The following PLEKHA2 variants were observed in gnomAD, a reference collection of about 807,000 sequenced individuals.
PLEKHA2 encodes the protein pleckstrin homology domain-containing family A member 2.
Under a neutral mutation model 53.2 loss-of-function variants are expected in PLEKHA2, and 28 were observed. That is an observed-to-expected ratio of 0.53 (90% CI 0.39 to 0.72). PLEKHA2 has a LOEUF of 0.72. PLEKHA2 is among the 30% of genes least tolerant of loss of function. The pLI is 0.00. For missense variants in PLEKHA2, 426 were observed against 537.9 expected, an observed-to-expected ratio of 0.79 and a Z score of 2.06; for synonymous variants, 193 against 196.4, an observed-to-expected ratio of 0.98 and a Z score of 0.14.
intron 1 of PLEKHA2, chr8:38,902,023 G>C (rs1490893237): frequency 1.3e-5 from 2 of 152,202 alleles, no homozygotes; most frequent in Non-Finnish European, 2.9e-5. Flanking sequence ...CCTGGACTTC[G>C]GGCTTCTGGA....
chr8:38,961,996 G>T (rs933883705), intron 10 of PLEKHA2, among the ~76,000 whole-genome samples: 1 of 152,218 alleles, frequency 6.6e-6, no homozygotes, highest in Non-Finnish European at 1.5e-5. Context: ...TCACTTTGTA[G>T]TATAAGTACT....
rs773426708 is a variant in PLEKHA2, at chr8:38,952,268, C to G, written c.589C>G (p.Pro197Ala). The G allele has an allele frequency of 2.5e-6, 4 of 1,612,726 alleles. No individual in the cohort carries two copies. In the South Asian group the frequency reaches 4.4e-5, roughly 18 times the overall value. ...PTSGCRASTG[P>A]PLIKSGYCVK... The stretch of plus-strand genomic sequence containing the variant: ...GTCAGGCTGCCGTGCTTCCACTGGG[C>G]CTCCCCTCATTAAGAGTGGTTACTG... Residue 197 changes from proline to alanine, a missense_variant, in exon 7 of 12, where the codon CCT becomes GCT. Coordinates refer to ENST00000617275, the MANE Select transcript of PLEKHA2 (RefSeq NM_021623.2).
intron 1 of PLEKHA2, among the ~76,000 whole-genome samples, chr8:38,911,393 T>C (rs894833526): frequency 1.3e-5 from 2 of 152,078 alleles, no homozygotes; most frequent in Non-Finnish European, 2.9e-5. Context: ...CGCACCACCA[T>C]GCCTGGCTAA....
At chr8:38,917,846 C>T (rs140887290) in intron 1 of PLEKHA2, 61 bp from the exon 2 acceptor site, 1,073 of 1,538,170 alleles carry the variant, frequency 7.0e-4, no homozygotes, top group Non-Finnish European at 7.2e-4. Context: ...AAGATTCCTG[C>T]AGGTCCTGAG....
At position 38,969,683 on chromosome 8, in the gene PLEKHA2, C is replaced by T; in HGVS notation, c.1178C>T (p.Pro393Leu). The T allele has an allele frequency of 6.3e-7, 1 of 1,578,970 alleles. No homozygotes were observed. The highest frequency in any genetic ancestry group is 8.6e-7 in the Non-Finnish European group (1 of 1,162,612). ...GAGGGCAGCGCTCCTGGGGTGCTGC[C>T]CAGCTCCCGGATAAGGCACAGATCG... ...PGEGSAPGVL[P>L]SSRIRHRSEP... Residue 393 changes from proline to leucine, a missense_variant, in exon 12 of 12, where the codon CCC (proline) becomes CTC (leucine). Physicochemically the swap from Pro to Leu is moderately conservative, Grantham distance 98 (BLOSUM62 -3). Coordinates refer to ENST00000617275, the MANE Select transcript of PLEKHA2 (RefSeq NM_021623.2).
chr8:38,916,353 C>A (rs1032529529), intron 1 of PLEKHA2, among the ~76,000 whole-genome samples: 1 of 152,126 alleles, frequency 6.6e-6, no homozygotes, highest in African/African-American at 2.4e-5. Flanking sequence ...AATAGTAGGT[C>A]TTATTCACTC....
At chr8:38,915,101 T>C (rs1353370368) in intron 1 of PLEKHA2, among the ~76,000 whole-genome samples, 1 of 152,052 alleles carries the variant, frequency 6.6e-6, no homozygotes, top group Non-Finnish European at 1.5e-5. Context: ...CACGCCACCG[T>C]GCCTGGCTAA....
At chr8:38,951,233 C>T (rs531154303) in intron 6 of PLEKHA2, among the ~76,000 whole-genome samples, 95 of 152,140 alleles carry the variant, frequency 6.2e-4, no homozygotes, top group East Asian at 9.7e-4. Context: ...AGTTCTGTGC[C>T]GAACACGGGA....
Position 38,969,413 on chromosome 8 carries a change from T to G in PLEKHA2, c.916-8T>G, listed in dbSNP as rs368880740. ...TCTTTTGTCTTTTTCTTCCTTTTAT[T>G]TTTATAGGAAACGTCCTTTTCTAGA... On this transcript the variant is annotated splice_polypyrimidine_tract_variant and splice_region_variant and intron_variant, in intron 11 of 11. Coordinates refer to ENST00000617275, the MANE Select transcript of PLEKHA2 (RefSeq NM_021623.2). 4.1e-5 allele frequency: 66 copies of G among 1,597,988 alleles called. No homozygotes were observed. In the African/African-American group the frequency reaches 7.8e-4, roughly 19 times the overall value.
At chr8:38,946,033 T>C (rs62504403) in intron 4 of PLEKHA2, 91 bp from the exon 5 acceptor site, 208,748 of 984,504 alleles carry the variant, frequency 0.21, 24,144 homozygotes, top group Middle Eastern at 0.25. Flanking sequence ...CTCATCTCAC[T>C]CCCTCAAACA....
intron 5 of PLEKHA2, 186 bp from the exon 6 acceptor site, chr8:38,950,664 G>C (rs932375362): frequency 8.2e-6 from 5 of 610,652 alleles, no homozygotes; most frequent in Non-Finnish European, 1.1e-5. Flanking sequence ...ATCTGTGTAG[G>C]GGGAGGGCGT....
In PLEKHA2 at chr8:38,969,760, A is replaced by G; in HGVS notation, c.1255A>G (p.Asn419Asp). ...GTTTATGTTCAACCTTGATGATGAA[A>G]ACATACGGACCTCTGATGTGTGATG... is the stretch of plus-strand genomic sequence containing the variant. ...KPFMFNLDDE[N>D]IRTSDV Residue 419 changes from asparagine (N) to aspartate (D), a missense_variant, in exon 12 of 12, where the codon AAC (asparagine) becomes GAC (aspartate). By Grantham distance (23) the Asn-to-Asp change is conservative. Transcript: ENST00000617275. The G allele has an allele frequency of 6.4e-7, 1 of 1,551,228 alleles. No individual in the cohort carries two copies. The highest frequency in any genetic ancestry group is 8.7e-7 in the Non-Finnish European group (1 of 1,147,064).
intron 2 of PLEKHA2, among the ~76,000 whole-genome samples, chr8:38,935,573 C>T (rs915135129): frequency 6.6e-6 from 1 of 151,952 alleles, no homozygotes; most frequent in Non-Finnish European, 1.5e-5. Context: ...TGTGAGCCTC[C>T]ATACCCAGCT....
chr8:38,926,229 G>T (rs550813418), intron 2 of PLEKHA2, among the ~76,000 whole-genome samples: 15 of 152,172 alleles, frequency 9.9e-5, no homozygotes, highest in South Asian at 4.2e-4. Flanking sequence ...GGAGTCAGTG[G>T]AATATTTGAT....
intron 2 of PLEKHA2, among the ~76,000 whole-genome samples, chr8:38,924,664 C>A (rs1361333300): frequency 6.6e-6 from 1 of 152,146 alleles, no homozygotes; most frequent in Non-Finnish European, 1.5e-5. Context: ...TGAAGCAGAG[C>A]TGTAGATGCA....
rs768712324 is a variant in PLEKHA2, at chr8:38,969,758, A to G, written c.1253A>G (p.Glu418Gly). 1.7e-5 allele frequency: 26 copies of G among 1,551,340 alleles called. No homozygotes were observed. Among genetic ancestry groups the G allele is most frequent in the Non-Finnish European group, 2.3e-5 (26 of 1,147,112 alleles). Reference sequence around the variant, plus strand: ...CCGTTTATGTTCAACCTTGATGATGAAAACATACGGACCTCTGATGTGTGA... The same window carrying G: ...CCGTTTATGTTCAACCTTGATGATGGAAACATACGGACCTCTGATGTGTGA... ...EKPFMFNLDDENIRTSDV is the reference protein window; with the variant it reads ...EKPFMFNLDDGNIRTSDV Residue 418 changes from glutamate to glycine, a missense_variant, in exon 12 of 12, where the codon GAA becomes GGA. By Grantham distance (98) the Glu-to-Gly change is moderately conservative (BLOSUM62 -2). Coordinates refer to ENST00000617275, the MANE Select transcript of PLEKHA2 (RefSeq NM_021623.2).
chr8:38,920,894 G>A (rs764530060), intron 2 of PLEKHA2, among the ~76,000 whole-genome samples: 39 of 151,598 alleles, frequency 2.6e-4, no homozygotes, highest in Middle Eastern at 3.2e-3. Context: ...TCTGCCTCCC[G>A]GGTTCAAGCG....
At chr8:38,945,706 C>T (rs1177220208) in intron 4 of PLEKHA2, among the ~76,000 whole-genome samples, 5 of 152,230 alleles carry the variant, frequency 3.3e-5, no homozygotes, top group African/African-American at 7.2e-5. Flanking sequence ...AGACAACTCT[C>T]CCAGTCCAGA....
intron 1 of PLEKHA2, among the ~76,000 whole-genome samples, chr8:38,905,170 A>G (rs1049840139): frequency 6.6e-6 from 1 of 152,016 alleles, no homozygotes; most frequent in African/African-American, 2.4e-5. Context: ...AAAAATACTC[A>G]TATTGGCTGG....
Sources: gnomAD v4.1 joint callset for allele counts (sites outside exome capture counted in the v4.1 genomes callset) on GRCh38, gnomAD v4.1.1 for gene constraint, MANE v1.5 for transcripts, NCBI Gene and HGNC (gene_info 2026-07-23, HGNC 2026-07-21) for gene names.